ST7L: variants seen among roughly 807,000 people sequenced by gnomAD.
ST7L encodes suppression of tumorigenicity 7 like.
A neutral mutation model predicts 72.5 loss-of-function variants in ST7L; 57 were observed. The observed-to-expected ratio is 0.79, with a 90% CI of 0.64 to 0.98. ST7L has a LOEUF of 0.98. Ranked by LOEUF, ST7L falls within the 50% of genes least tolerant of loss-of-function variation. The pLI, the probability that ST7L is intolerant of heterozygous loss-of-function variation, is 0.00. For synonymous variants in ST7L, 221 were observed against 240.9 expected (o/e 0.92, Z 0.77); for missense variants, 576 against 672.2 (o/e 0.86, Z 1.58).
chr1:112,539,926 C>T, intron 14 of ST7L: 2 of 985,238 alleles, frequency 2.0e-6, no homozygotes, highest in South Asian at 9.4e-5. Context: ...AAAATAAATG[C>T]TTGTTTATTA....
chr1:112,576,971 C>A lies in ST7L; in HGVS notation c.1245+15G>T. On this transcript the variant is annotated intron_variant, in intron 11 of 14. Coordinates refer to ENST00000358039, the MANE Select transcript of ST7L (RefSeq NM_017744.5). ...ACTTAAATAAAGGTAGTATTTTTAT[C>A]ATAAAATTTCTCACTTTTGGAACAT... 6.4e-7 allele frequency: 1 copy of A among 1,554,044 alleles called. No individual in the cohort carries two copies. Among genetic ancestry groups the A allele is most frequent in the South Asian group, 1.2e-5 (1 of 84,778 alleles).
In ST7L at chr1:112,561,073, C is replaced by T. The variant is rs547724561; in HGVS notation, c.1246-5055G>A. 2.6e-5 allele frequency among the ~76,000 whole-genome samples: 4 copies of T among 151,310 alleles called. No individual in the cohort carries two copies. The South Asian group carries it at 8.4e-4, about 32-fold the overall frequency. ...AGTTTTTACCAAAGATATATTTTAA[C>T]TCTCTGGGAAAACTAAAACCAAATA... On this transcript the variant is annotated intron_variant, in intron 11 of 14. Transcript: ENST00000358039.
At position 112,568,861 on chromosome 1, in the gene ST7L, A is replaced by AATATAAATAAATATATATAT. The variant is rs61349207; in HGVS notation, c.1245+8124_1245+8125insATATATATATTTATTTATAT. 1.4e-3 allele frequency among the ~76,000 whole-genome samples: 166 copies of AATATAAATAAATATATATAT among 114,876 alleles called. 1 individual carries two copies. Among genetic ancestry groups the AATATAAATAAATATATATAT allele is most frequent in the East Asian group, 7.9e-3 (20 of 2,520 alleles). 75.4% of individuals were successfully genotyped at this position (114,876 alleles called of 152,430 possible). A position where few individuals can be genotyped will look rare whatever the true frequency, so the allele number is the denominator to read the frequency against. ...CCTGTTTTTTATAAATATAAATATA[A>AATATAAATAAATATATATAT]ATATATATATATATATATATATATA... is the stretch of plus-strand genomic sequence containing the variant. On this transcript the variant is annotated intron_variant, in intron 11 of 14. Transcript: ENST00000358039.
chr1:112,609,306 C>T (rs1668710555), intron 3 of ST7L, among the ~76,000 whole-genome samples: 1 of 152,022 alleles, frequency 6.6e-6, no homozygotes. Flanking sequence ...CCGAGGCAGA[C>T]AGATCACCTG....
chr1:112,555,196 T>C (rs183764714), intron 12 of ST7L, among the ~76,000 whole-genome samples: 50 of 148,796 alleles, frequency 3.4e-4, no homozygotes, highest in Admixed American at 3.2e-3. Flanking sequence ...TAGTTTCATA[T>C]TGTATACATC....
chr1:112,543,604 C>T (rs1320553052), intron 13 of ST7L, among the ~76,000 whole-genome samples: 1 of 151,930 alleles, frequency 6.6e-6, no homozygotes, highest in African/African-American at 2.4e-5. Flanking sequence ...TGTGGTTGCT[C>T]ATGTCTGTAA....
chr1:112,547,184 T>G (rs1050397144), intron 13 of ST7L, among the ~76,000 whole-genome samples: 15 of 148,772 alleles, frequency 1.0e-4, no homozygotes, highest in Non-Finnish European at 1.9e-4. Flanking sequence ...TCTAGAGCTT[T>G]CTTTCTTTCT....
chr1:112,578,336 A>T lies in ST7L; in HGVS notation c.1142+9T>A. 1.9e-6 allele frequency: 3 copies of T among 1,612,880 alleles called. No homozygotes were observed. The Admixed American group carries it at 5.0e-5, about 27-fold the overall frequency. On this transcript the variant is annotated intron_variant, in intron 10 of 14. Coordinates refer to ENST00000358039, the MANE Select transcript of ST7L (RefSeq NM_017744.5). Reference sequence around the variant, plus strand: ...CTTTCCAAATCATTGTAGTTTTTATAACACGTACTTTTCTGAAACAGTCCT... The same window carrying T: ...CTTTCCAAATCATTGTAGTTTTTATTACACGTACTTTTCTGAAACAGTCCT...
At chr1:112,560,632 T>G (rs1232217201) in intron 11 of ST7L, among the ~76,000 whole-genome samples, 1 of 152,134 alleles carries the variant, frequency 6.6e-6, no homozygotes, top group Non-Finnish European at 1.5e-5. Flanking sequence ...AAAATTCTAC[T>G]ACCATGCCTA....
At chr1:112,606,006 A>G (rs1421482139) in intron 3 of ST7L, among the ~76,000 whole-genome samples, 1 of 152,224 alleles carries the variant, frequency 6.6e-6, no homozygotes, top group Non-Finnish European at 1.5e-5. Flanking sequence ...CAAAAAGTCT[A>G]ACAGCCTTCC....
chr1:112,599,073 A>AATATAT (rs71084479), intron 4 of ST7L, among the ~76,000 whole-genome samples: 32 of 56,910 alleles, frequency 5.6e-4, no homozygotes, highest in East Asian at 9.3e-4. Context: ...AAAAAAAAAA[A>AATATAT]ATATATATAT....
At chr1:112,587,900 T>C (rs1665105582) in intron 6 of ST7L, among the ~76,000 whole-genome samples, 1 of 152,246 alleles carries the variant, frequency 6.6e-6, no homozygotes, top group South Asian at 2.1e-4. Context: ...TAGATCAATT[T>C]AGGGAGTACT....
intron 9 of ST7L, 66 bp downstream of exon 9, chr1:112,581,926 A>G: frequency 9.0e-6 from 10 of 1,115,022 alleles, no homozygotes; most frequent in Non-Finnish European, 1.1e-5. Context: ...CTAGAATATA[A>G]CCACATTTAT....
chr1:112,617,022 GAA>G (rs1379912211), intron 1 of ST7L, 127 bp from the exon 2 acceptor site: 2 of 590,890 alleles, frequency 3.4e-6, no homozygotes, highest in Non-Finnish European at 5.9e-6. Context: ...AAATTCACTT[GAA>G]AAAGTTTTAA....
chr1:112,586,853 C>T (rs1664943278), intron 6 of ST7L, among the ~76,000 whole-genome samples: 2 of 152,088 alleles, frequency 1.3e-5, no homozygotes, highest in South Asian at 4.1e-4. Flanking sequence ...GTTGTGCAAC[C>T]ATCGCCACAA....
downstream of ST7L, chr1:112,521,232 T>C (rs1235417252): frequency 6.6e-6 from 1 of 152,192 alleles, no homozygotes; most frequent in African/African-American, 2.4e-5. Flanking sequence ...GTGGTTCCCA[T>C]GCTTAACAAA....
chr1:112,580,690 C>T (rs925588898), intron 9 of ST7L, among the ~76,000 whole-genome samples: 4 of 152,038 alleles, frequency 2.6e-5, no homozygotes, highest in Non-Finnish European at 4.4e-5. Flanking sequence ...TTTGGGAGGC[C>T]GAGCCAGGCA....
intron 3 of ST7L, among the ~76,000 whole-genome samples, chr1:112,606,010 G>A (rs1478766986): frequency 6.6e-6 from 1 of 152,176 alleles, no homozygotes; most frequent in Non-Finnish European, 1.5e-5. Context: ...AAGTCTAACA[G>A]CCTTCCTTCA....
rs1209784221 is a variant in ST7L, at chr1:112,600,941, A to T, written c.452-93T>A. On this transcript the variant is annotated intron_variant, in intron 3 of 14. Coordinates refer to ENST00000358039, the MANE Select transcript of ST7L (RefSeq NM_017744.5). ...TGTCTACCCACTGTAGGCTAATCAC[A>T]GTGCTAGCCACAGATGGTACAAAGA... 4 of 1,041,084 alleles carry T rather than the reference A, an allele frequency of 3.8e-6. No homozygotes were observed. The African/African-American group carries it at 4.9e-5, about 13-fold the overall frequency. The allele number at this position is 1,041,084 out of a possible 1,614,324, so 64.5% of individuals were successfully genotyped here.
Sources: allele counts gnomAD v4.1 joint callset (sites outside exome capture counted in the v4.1 genomes callset), GRCh38; gene constraint gnomAD v4.1.1; transcripts MANE v1.5; gene names NCBI Gene and HGNC (gene_info 2026-07-23, HGNC 2026-07-21).